MCUB: variants seen among roughly 807,000 people sequenced by gnomAD.
The protein encoded by MCUB is calcium uniporter regulatory subunit MCUb, mitochondrial.
In MCUB, 46 loss-of-function variants were observed where a neutral mutation model predicts 41.4. The ratio of observed to expected loss-of-function variants is 1.11; its 90% CI spans 0.88 to 1.42. The LOEUF is 1.42. MCUB is among the 40% of genes most tolerant of loss of function. The pLI is 0.00. For synonymous variants in MCUB, 148 were observed against 148.2 expected, an observed-to-expected ratio of 1.00 and a Z score of 0.01; for missense variants, 403 against 404.9, an observed-to-expected ratio of 1.00 and a Z score of 0.04.
chr4:109,666,716 C>T (rs180915195), intron 4 of MCUB, among the ~76,000 whole-genome samples: 3 of 152,138 alleles, frequency 2.0e-5, no homozygotes, highest in African/African-American at 7.2e-5. Context: ...ATATTTTCTC[C>T]CAGGCTATGG....
At position 109,629,113 on chromosome 4, in the gene MCUB, ACTTTT is replaced by A. The variant is rs780335244; in HGVS notation, c.100-29892_100-29888del. Among the ~76,000 whole-genome samples, 39 of 152,166 alleles carry A rather than the reference ACTTTT, an allele frequency of 2.6e-4. No homozygotes were observed. The East Asian group carries it at 6.4e-3, about 25-fold the overall frequency. ...TAAAATTGAGTCAGTCCTCCTTAGA[ACTTTT>A]CTTTTATTTTTTCTAATTTTTTATT... On this transcript the variant is annotated intron_variant, in intron 1 of 7. Transcript: ENST00000394650.
At chr4:109,684,770 A>G (rs1579100985) in intron 6 of MCUB, 124 bp downstream of exon 6, 1 of 594,674 alleles carries the variant, frequency 1.7e-6, no homozygotes, top group East Asian at 2.8e-5. Context: ...ATGAGCTGGT[A>G]AATTTTTTAT....
intron 1 of MCUB, among the ~76,000 whole-genome samples, chr4:109,584,733 G>C (rs577629113): frequency 3.7e-4 from 56 of 152,252 alleles, no homozygotes; most frequent in South Asian, 8.3e-4. Context: ...TCAGGAGCAC[G>C]TTGTTCAGTT....
At chr4:109,592,396 C>T (rs1482216344) in intron 1 of MCUB, among the ~76,000 whole-genome samples, 3 of 150,496 alleles carry the variant, frequency 2.0e-5, no homozygotes, top group Non-Finnish European at 4.4e-5. Context: ...GGTGACAGAA[C>T]GAGACTCTGT....
At chr4:109,675,685 C>T (rs749601192) in intron 4 of MCUB, among the ~76,000 whole-genome samples, 2 of 152,108 alleles carry the variant, frequency 1.3e-5, no homozygotes, top group African/African-American at 4.8e-5. Flanking sequence ...GGATGTGAGG[C>T]GTATTGGGAG....
At chr4:109,684,304 C>T (rs532244531) in intron 5 of MCUB, 139 bp from the exon 6 acceptor site, 136 of 579,588 alleles carry the variant, frequency 2.3e-4, no homozygotes, top group South Asian at 1.1e-3. Context: ...CCTCGTGATC[C>T]GCCCACCTCG....
intron 3 of MCUB, among the ~76,000 whole-genome samples, chr4:109,662,942 T>C (rs921850254): frequency 6.6e-6 from 1 of 152,162 alleles, no homozygotes; most frequent in Non-Finnish European, 1.5e-5. Context: ...TATTTGGCAA[T>C]TTTTTGGAAA....
chr4:109,684,463 T>C lies in MCUB; in HGVS notation c.633T>C (p.Ala211=). The change falls in exon 6 of 8, where the codon GCT becomes GCC. Residue 211 remains alanine, a synonymous_variant. Coordinates refer to ENST00000394650, the MANE Select transcript of MCUB (RefSeq NM_017918.5). ...CTCAGGTGAAAGCTGGAATAGAAGC[T>C]CATTCGGAAGCCAAAACCAGTGGAC... ...PLEQVKAGIE[A]HSEAKTSGLL... 4 of 1,612,092 alleles carry C rather than the reference T, an allele frequency of 2.5e-6. No homozygotes were observed. The highest frequency in any genetic ancestry group is 3.4e-6 in the Non-Finnish European group (4 of 1,179,228).
At chr4:109,581,120 C>T (rs897753875) in intron 1 of MCUB, among the ~76,000 whole-genome samples, 1 of 152,220 alleles carries the variant, frequency 6.6e-6, no homozygotes, top group African/African-American at 2.4e-5. Flanking sequence ...TGCGACCTGA[C>T]TTCAAACTAT....
chr4:109,603,919 A>G (rs1035596177), intron 1 of MCUB, among the ~76,000 whole-genome samples: 1 of 152,252 alleles, frequency 6.6e-6, no homozygotes, highest in African/African-American at 2.4e-5. Context: ...GGCCATGATG[A>G]CGATGGCGGT....
intron 7 of MCUB, among the ~76,000 whole-genome samples, chr4:109,686,511 T>A (rs1330373419): frequency 6.6e-6 from 1 of 152,174 alleles, no homozygotes. Context: ...TTAAAAAAAA[T>A]TTGTGGATTC....
At chr4:109,575,100 C>T (rs1330475228) in intron 1 of MCUB, among the ~76,000 whole-genome samples, 8 of 152,116 alleles carry the variant, frequency 5.3e-5, no homozygotes, top group Admixed American at 3.3e-4. Context: ...TTCCTTTCAT[C>T]GCTGATGTTC....
intron 1 of MCUB, among the ~76,000 whole-genome samples, chr4:109,596,977 A>T (rs1392617655): frequency 1.5e-4 from 23 of 151,826 alleles, no homozygotes; most frequent in Non-Finnish European, 2.9e-4. Context: ...AACAAAGCAC[A>T]TCTTGCACCG....
Position 109,663,639 on chromosome 4 carries a change from A to C in MCUB, c.347-651A>C, listed in dbSNP as rs73838857. Among the ~76,000 whole-genome samples, 1,345 of 152,242 alleles carry C rather than the reference A, an allele frequency of 8.8e-3. 31 individuals are homozygous for C. Among genetic ancestry groups the C allele is most frequent in the African/African-American group, 0.03 (1,243 of 41,540 alleles). On this transcript the variant is annotated intron_variant, in intron 3 of 7. Coordinates refer to ENST00000394650, the MANE Select transcript of MCUB (RefSeq NM_017918.5). ...TGATAGCTTGTGGTGCTATTTAGCT[A>C]CTAAATTTTTAACCACCACAAATCA... is the stretch of plus-strand genomic sequence containing the variant.
chr4:109,606,801 C>T (rs970816111), intron 1 of MCUB, among the ~76,000 whole-genome samples: 22 of 152,210 alleles, frequency 1.4e-4, no homozygotes, highest in Admixed American at 7.2e-4. Context: ...GGCTGGAGTG[C>T]GATGGCGCGA....
intron 1 of MCUB, among the ~76,000 whole-genome samples, chr4:109,568,844 A>G (rs955830023): frequency 9.9e-5 from 15 of 152,226 alleles, no homozygotes; most frequent in Non-Finnish European, 1.9e-4. Context: ...ATGAATGGAT[A>G]GATGACAAAG....
At chr4:109,623,887 T>C (rs1328013655) in intron 1 of MCUB, among the ~76,000 whole-genome samples, 1 of 152,214 alleles carries the variant, frequency 6.6e-6, no homozygotes, top group African/African-American at 2.4e-5. Flanking sequence ...TCTTGTTCTG[T>C]CACCCAGGCT....
chr4:109,633,758 CACCATCTGGCTAG>C (rs1728527697), intron 1 of MCUB, among the ~76,000 whole-genome samples: 1 of 152,164 alleles, frequency 6.6e-6, no homozygotes, highest in Non-Finnish European at 1.5e-5. Context: ...ACTTTGTTAG[CACCATCTGGCTAG>C]ACCGCCATGT....
intron 1 of MCUB, among the ~76,000 whole-genome samples, chr4:109,599,982 G>GCAATA (rs1236617661): frequency 6.6e-6 from 1 of 152,118 alleles, no homozygotes. Context: ...GATATTTAGA[G>GCAATA]TCTGAAGTGT....
Sources: gnomAD v4.1 joint callset for allele counts (sites outside exome capture counted in the v4.1 genomes callset) on GRCh38, gnomAD v4.1.1 for gene constraint, MANE v1.5 for transcripts, NCBI Gene and HGNC (gene_info 2026-07-23, HGNC 2026-07-21) for gene names.